CLDN1: variants seen among roughly 807,000 people sequenced by gnomAD.
CLDN1 encodes claudin-1.
CLDN1 carries 12 observed loss-of-function variants against 22.6 expected under a neutral mutation model. The ratio of observed to expected loss-of-function variants is 0.53; its 90% CI spans 0.34 to 0.86. The LOEUF is 0.86. Among genes scored for constraint, CLDN1 ranks in the 40% least tolerant of loss-of-function variants. CLDN1 has a pLI of 0.02. For missense variants in CLDN1, 250 were observed against 269.5 expected, an observed-to-expected ratio of 0.93 and a Z score of 0.51; for synonymous variants, 99 against 103.8, an observed-to-expected ratio of 0.95 and a Z score of 0.28.
At chr3:190,310,847 A>G (rs899256363) in intron 2 of CLDN1, among the ~76,000 whole-genome samples, 1 of 152,182 alleles carries the variant, frequency 6.6e-6, no homozygotes, top group African/African-American at 2.4e-5. Context: ...ACATCAGATC[A>G]ATTTATGCAA....
chr3:190,310,916 C>A (rs1300070254), intron 2 of CLDN1, among the ~76,000 whole-genome samples: 2 of 152,102 alleles, frequency 1.3e-5, no homozygotes, highest in Non-Finnish European at 2.9e-5. Flanking sequence ...ATCATTTAGT[C>A]AAAATCATTC....
chr3:190,310,312 C>CAA, intron 2 of CLDN1, 59 bp from the exon 3 acceptor site: 2 of 1,347,396 alleles, frequency 1.5e-6, no homozygotes, highest in Non-Finnish European at 2.1e-6. Context: ...CCTAAATACA[C>CAA]AACCTGTTAA....
At chr3:190,314,588 A>G (rs926490083) in intron 1 of CLDN1, among the ~76,000 whole-genome samples, 1 of 150,700 alleles carries the variant, frequency 6.6e-6, no homozygotes, top group East Asian at 1.9e-4. Flanking sequence ...GGTATTTAGT[A>G]GAGATGGGTT....
intron 2 of CLDN1, among the ~76,000 whole-genome samples, chr3:190,311,250 T>G (rs892889101): frequency 6.6e-6 from 1 of 152,236 alleles, no homozygotes; most frequent in Non-Finnish European, 1.5e-5. Flanking sequence ...AAGAATGCAA[T>G]GCATTTCATC....
chr3:190,310,448 A>G (rs2108607047), intron 2 of CLDN1, among the ~76,000 whole-genome samples, 195 bp from the exon 3 acceptor site: 1 of 152,312 alleles, frequency 6.6e-6, no homozygotes, highest in South Asian at 2.1e-4. Flanking sequence ...AAAAAATACT[A>G]GGTTGGCATT....
intron 2 of CLDN1, among the ~76,000 whole-genome samples, chr3:190,311,633 C>T (rs970761078): frequency 5.3e-5 from 8 of 150,378 alleles, no homozygotes; most frequent in Non-Finnish European, 1.2e-4. Flanking sequence ...TAATATACTA[C>T]ATATATAATA....
chr3:190,312,676 A>G (rs1385041306), intron 2 of CLDN1, among the ~76,000 whole-genome samples, 196 bp downstream of exon 2: 1 of 152,166 alleles, frequency 6.6e-6, no homozygotes, highest in Non-Finnish European at 1.5e-5. Flanking sequence ...CAACCAATAG[A>G]CCTGTCAGAT....
In CLDN1 at chr3:190,307,119, T is replaced by C. The variant is rs563365443; in HGVS notation, c.*1158A>G. Reference sequence around the variant, plus strand: ...ACACTACCTCTTCTAACTGGTTAAGTATCATTATCTCAATTTGGCAGATAG... The same window carrying C: ...ACACTACCTCTTCTAACTGGTTAAGCATCATTATCTCAATTTGGCAGATAG... On this transcript the variant is annotated 3_prime_UTR_variant, in exon 4 of 4. Coordinates refer to ENST00000295522, the MANE Select transcript of CLDN1 (RefSeq NM_021101.5). 6.0e-4 allele frequency: 92 copies of C among 152,776 alleles called. No homozygotes were observed. The highest frequency in any genetic ancestry group is 2.1e-3 in the African/African-American group (89 of 41,580). 9.5% of individuals were successfully genotyped at this position (152,776 alleles called of 1,614,324 possible). A position where few individuals can be genotyped will look rare whatever the true frequency, so the allele number is the denominator to read the frequency against.
At chr3:190,309,321 A>G (rs3774030) in intron 3 of CLDN1, among the ~76,000 whole-genome samples, 100,290 of 152,160 alleles carry the variant, frequency 0.66, 34,048 homozygotes, top group African/African-American at 0.82. Flanking sequence ...AGCAGTTTCT[A>G]TTCTTACACT....
chr3:190,308,140 TTTTGTTTG>T lies in CLDN1; in HGVS notation c.*129_*136del. 9.5e-7 allele frequency: 1 copy of T among 1,050,048 alleles called. No individual in the cohort carries two copies. Among genetic ancestry groups the T allele is most frequent in the Non-Finnish European group, 1.5e-6 (1 of 683,556 alleles). The allele number at this position is 1,050,048 out of a possible 1,614,324, so 65.0% of individuals were successfully genotyped here. On this transcript the variant is annotated 3_prime_UTR_variant, in exon 4 of 4. Transcript: ENST00000295522. ...CACTGAGTATTTTAACACATGGGTTTTTTGTTTGTTTGTTTGTTTTGTAATACCATACT... is the reference window on the plus strand; with the variant it reads ...CACTGAGTATTTTAACACATGGGTTTTTTGTTTGTTTTGTAATACCATACT...
Position 190,308,151 on chromosome 3 carries a change from T to C in CLDN1, c.*126A>G. On this transcript the variant is annotated 3_prime_UTR_variant, in exon 4 of 4. Coordinates refer to ENST00000295522, the MANE Select transcript of CLDN1 (RefSeq NM_021101.5). ...TTAACACATGGGTTTTTTGTTTGTT[T>C]GTTTGTTTTGTAATACCATACTTCA... 2.6e-6 allele frequency: 3 copies of C among 1,143,390 alleles called. No individual in the cohort carries two copies. The highest frequency in any genetic ancestry group is 3.9e-6 in the Non-Finnish European group (3 of 761,042). The allele number at this position is 1,143,390 out of a possible 1,614,324, so 70.8% of individuals were successfully genotyped here. A position where few individuals can be genotyped will look rare whatever the true frequency, so the allele number is the denominator to read the frequency against.
intron 3 of CLDN1, among the ~76,000 whole-genome samples, chr3:190,309,442 T>C (rs2108606298): frequency 6.6e-6 from 1 of 152,310 alleles, no homozygotes; most frequent in Admixed American, 6.5e-5. Context: ...CTGAGGTTTT[T>C]CATCCATTCA....
intron 1 of CLDN1, among the ~76,000 whole-genome samples, chr3:190,315,595 A>G (rs771429413): frequency 6.6e-6 from 1 of 152,210 alleles, no homozygotes; most frequent in Non-Finnish European, 1.5e-5. Context: ...CATCTATAGC[A>G]TCTTACATTT....
chr3:190,319,428 G>T (rs531018491), intron 1 of CLDN1, among the ~76,000 whole-genome samples: 1 of 152,184 alleles, frequency 6.6e-6, no homozygotes, highest in East Asian at 1.9e-4. Context: ...TTCATAAACC[G>T]CTTGGCAAGA....
chr3:190,313,041 C>A lies in CLDN1; in HGVS notation c.224-5G>T, dbSNP rs945712285. 2 of 1,614,060 alleles carry A rather than the reference C, an allele frequency of 1.2e-6. No individual in the cohort carries two copies. Among genetic ancestry groups the A allele is most frequent in the Non-Finnish European group, 1.7e-6 (2 of 1,180,004 alleles). On this transcript the variant is annotated splice_region_variant and splice_polypyrimidine_tract_variant and intron_variant, in intron 1 of 3. Coordinates refer to ENST00000295522, the MANE Select transcript of CLDN1 (RefSeq NM_021101.5). ...CACGGGTTGCTTGCAATGTGCCTGGCAGAAAACATTTTAAAACATGTAAAA... is the reference window on the plus strand; with the variant it reads ...CACGGGTTGCTTGCAATGTGCCTGGAAGAAAACATTTTAAAACATGTAAAA...
chr3:190,312,742 C>T, intron 2 of CLDN1, 130 bp downstream of exon 2: 1 of 978,868 alleles, frequency 1.0e-6, no homozygotes, highest in Non-Finnish European at 1.6e-6. Context: ...TGAAAGTCAA[C>T]TGGACTTCAG....
intron 1 of CLDN1, among the ~76,000 whole-genome samples, chr3:190,321,232 C>T (rs1042142418): frequency 5.9e-5 from 9 of 152,094 alleles, no homozygotes; most frequent in South Asian, 2.1e-4. Flanking sequence ...TATTATGTTG[C>T]GCAGGTTATT....
At chr3:190,312,775 A>G in intron 2 of CLDN1, 97 bp downstream of exon 2, 3 of 1,388,982 alleles carry the variant, frequency 2.2e-6, no homozygotes, top group Non-Finnish European at 3.1e-6. Context: ...AGTTTGCCTT[A>G]GAGACTGAAA....
rs377072835 is a variant in CLDN1, at chr3:190,305,808, T to C, written c.*2469A>G. ...TCTATTGGTCTGTTTCCAGGTGTGG[T>C]AGAAGAATATAAAAAGATCAAAATT... On this transcript the variant is annotated 3_prime_UTR_variant, in exon 4 of 4. Transcript: ENST00000295522. 2.0e-5 allele frequency: 3 copies of C among 152,194 alleles called. No individual in the cohort carries two copies. The South Asian group carries it at 6.2e-4, about 32-fold the overall frequency. The allele number at this position is 152,194 out of a possible 1,614,324, so 9.4% of individuals were successfully genotyped here.
Sources: gnomAD v4.1 joint callset for allele counts (sites outside exome capture counted in the v4.1 genomes callset) on GRCh38, gnomAD v4.1.1 for gene constraint, MANE v1.5 for transcripts, NCBI Gene and HGNC (gene_info 2026-07-23, HGNC 2026-07-21) for gene names.